Variants in MYT1L observed in about 807,000 individuals in gnomAD.
The protein encoded by MYT1L is myelin transcription factor 1 like.
In MYT1L, 12 loss-of-function variants were observed where a neutral mutation model predicts 126.7. The ratio of observed to expected loss-of-function variants is 0.09; its 90% CI spans 0.06 to 0.15. The LOEUF is 0.15. Ranked by LOEUF, MYT1L falls within the 10% of genes least tolerant of loss-of-function variation. The pLI, the probability that MYT1L is intolerant of heterozygous loss-of-function variation, is 1.00. For missense variants in MYT1L, 979 were observed against 1,585.2 expected (o/e 0.62, Z 6.49); for synonymous variants, 541 against 604.2 (o/e 0.90, Z 1.53).
At chr2:1,867,109 A>G (rs1004454408) in intron 18 of MYT1L, among the ~76,000 whole-genome samples, 33 of 151,640 alleles carry the variant, frequency 2.2e-4, no homozygotes, top group African/African-American at 7.8e-4. Flanking sequence ...AGACGGAGGG[A>G]GAGAGACAGA....
intron 3 of MYT1L, among the ~76,000 whole-genome samples, chr2:2,096,776 C>T (rs868453770): frequency 4.6e-5 from 7 of 152,142 alleles, no homozygotes; most frequent in Non-Finnish European, 8.8e-5. Flanking sequence ...CTGAGAATAC[C>T]GAGGCCACGC....
intron 2 of MYT1L, among the ~76,000 whole-genome samples, chr2:2,178,137 A>C (rs1428809755): frequency 6.6e-6 from 1 of 152,196 alleles, no homozygotes; most frequent in African/African-American, 2.4e-5. Flanking sequence ...TCCATGTAAC[A>C]TTTATGTAAC....
chr2:2,151,483 G>T (rs1342873486), intron 3 of MYT1L, among the ~76,000 whole-genome samples: 1 of 151,850 alleles, frequency 6.6e-6, no homozygotes, highest in Non-Finnish European at 1.5e-5. Flanking sequence ...CCAAACAGAA[G>T]ATTCATTCCA....
At chr2:1,982,572 G>A (rs1033932707) in intron 5 of MYT1L, among the ~76,000 whole-genome samples, 1 of 152,152 alleles carries the variant, frequency 6.6e-6, no homozygotes, top group East Asian at 1.9e-4. Context: ...GGATGTTTCA[G>A]GTTAAAAAGA....
intron 22 of MYT1L, among the ~76,000 whole-genome samples, chr2:1,807,349 C>T (rs181963004): frequency 3.5e-4 from 53 of 152,266 alleles, no homozygotes; most frequent in African/African-American, 1.3e-3. Context: ...AGGAGACCCC[C>T]GTGGCTGTGG....
At chr2:2,277,364 G>T (rs1559529540) in intron 2 of MYT1L, among the ~76,000 whole-genome samples, 1 of 152,176 alleles carries the variant, frequency 6.6e-6, no homozygotes, top group African/African-American at 2.4e-5. Flanking sequence ...TTGCTCAAGG[G>T]TGACCTTGTG....
At chr2:2,192,036 G>A (rs2092615538) in intron 2 of MYT1L, among the ~76,000 whole-genome samples, 1 of 152,228 alleles carries the variant, frequency 6.6e-6, no homozygotes, top group Non-Finnish European at 1.5e-5. Context: ...GAACCTGGCA[G>A]AAATCAGTCT....
intron 1 of MYT1L, among the ~76,000 whole-genome samples, chr2:2,309,087 C>G (rs898012794): frequency 6.6e-6 from 1 of 151,866 alleles, no homozygotes. Context: ...TGTACTCCAT[C>G]TACACTTCAG....
chr2:1,996,810 C>T (rs1161019369), intron 5 of MYT1L, among the ~76,000 whole-genome samples: 1 of 137,492 alleles, frequency 7.3e-6, no homozygotes, highest in Non-Finnish European at 1.5e-5. Flanking sequence ...CGCCCTGCCT[C>T]AGTGTGGGCT....
chr2:1,966,909 G>A (rs1347095550), intron 8 of MYT1L, among the ~76,000 whole-genome samples: 1 of 152,144 alleles, frequency 6.6e-6, no homozygotes, highest in African/African-American at 2.4e-5. Flanking sequence ...TGGACGAATG[G>A]CACATTGTGA....
At chr2:2,261,485 C>T (rs1177803324) in intron 2 of MYT1L, among the ~76,000 whole-genome samples, 1 of 152,156 alleles carries the variant, frequency 6.6e-6, no homozygotes, top group Non-Finnish European at 1.5e-5. Context: ...CAGCATTAGT[C>T]CTCCCCCCTG....
At chr2:2,087,302 C>T (rs1350817608) in intron 3 of MYT1L, among the ~76,000 whole-genome samples, 1 of 152,146 alleles carries the variant, frequency 6.6e-6, no homozygotes, top group Non-Finnish European at 1.5e-5. Flanking sequence ...AAGCTGAAAG[C>T]CTTCATGTGC....
intron 4 of MYT1L, among the ~76,000 whole-genome samples, chr2:2,026,849 A>G (rs1372627070): frequency 6.6e-6 from 1 of 152,094 alleles, no homozygotes; most frequent in African/African-American, 2.4e-5. Flanking sequence ...GCGGGTCTTG[A>G]GAAAACCTGC....
intron 8 of MYT1L, among the ~76,000 whole-genome samples, chr2:1,977,538 G>C (rs2149480919): frequency 6.6e-6 from 1 of 152,262 alleles, no homozygotes; most frequent in Admixed American, 6.5e-5. Context: ...AGGATATTTA[G>C]ATTGTTTGTA....
intron 21 of MYT1L, among the ~76,000 whole-genome samples, chr2:1,813,596 G>A (rs931014351): frequency 6.6e-6 from 1 of 152,232 alleles, no homozygotes; most frequent in Non-Finnish European, 1.5e-5. Context: ...GGCGGGATTC[G>A]ATTCTCCCAG....
chr2:2,037,167 T>C (rs1269450060), intron 4 of MYT1L, among the ~76,000 whole-genome samples: 1 of 152,250 alleles, frequency 6.6e-6, no homozygotes, highest in Non-Finnish European at 1.5e-5. Flanking sequence ...ATCTCGTTTG[T>C]TCCTCACCAC....
At chr2:1,840,346 A>G (rs1346906252) in intron 20 of MYT1L, among the ~76,000 whole-genome samples, 2 of 152,082 alleles carry the variant, frequency 1.3e-5, no homozygotes, top group African/African-American at 4.8e-5. Context: ...GCCTTAGAGC[A>G]AGGCAGGGTA....
At chr2:2,148,878 G>A (rs75912131) in intron 3 of MYT1L, among the ~76,000 whole-genome samples, 4 of 152,176 alleles carry the variant, frequency 2.6e-5, no homozygotes, top group Non-Finnish European at 4.4e-5. Flanking sequence ...GTGGCATATA[G>A]GTTGCTCAAG....
At chr2:2,288,188 G>A (rs555649728) in intron 1 of MYT1L, among the ~76,000 whole-genome samples, 1 of 152,266 alleles carries the variant, frequency 6.6e-6, no homozygotes, top group South Asian at 2.1e-4. Flanking sequence ...GTAGATACAG[G>A]ACAACATCAG....
Sources: allele counts gnomAD v4.1 joint callset (sites outside exome capture counted in the v4.1 genomes callset), GRCh38; gene constraint gnomAD v4.1.1; transcripts MANE v1.5; gene names NCBI Gene and HGNC (gene_info 2026-07-23, HGNC 2026-07-21).